The following CDH23 variants were observed in gnomAD, a reference collection of about 807,000 sequenced individuals.
The protein encoded by CDH23 is cadherin-23.
CDH23 carries 189 observed loss-of-function variants against 317.1 expected under a neutral mutation model. The ratio of observed to expected loss-of-function variants is 0.60; its 90% CI spans 0.53 to 0.67. The LOEUF (loss-of-function observed/expected upper bound fraction) is 0.67. CDH23 is among the 30% of genes least tolerant of loss of function. The pLI, the probability that CDH23 is intolerant of heterozygous loss-of-function variation, is 0.00. For missense variants in CDH23, 4,401 were observed against 4,592.4 expected (o/e 0.96, Z 1.20); for synonymous variants, 1,839 against 1,876.8 (o/e 0.98, Z 0.52).
Position 71,751,094 on chromosome 10 carries a change from G to T in CDH23, c.4845+9173G>T. ...AGCATCCCCATGTAGCATCCAGAGGGGTTGAGGGGCTGGGCTTCTGGGATG... is the reference window on the plus strand; with the variant it reads ...AGCATCCCCATGTAGCATCCAGAGGTGTTGAGGGGCTGGGCTTCTGGGATG... On this transcript the variant is annotated intron_variant, in intron 38 of 69. Coordinates refer to ENST00000224721, the MANE Select transcript of CDH23 (RefSeq NM_022124.6). The surrounding 1 kb of genome is among the most constrained non-coding windows in gnomAD (Gnocchi z 4.9). The T allele has an allele frequency of 1.2e-6, 1 of 843,514 alleles. No homozygotes were observed. Among genetic ancestry groups the T allele is most frequent in the Non-Finnish European group, 1.8e-6 (1 of 546,700 alleles). The allele number at this position is 843,514 out of a possible 1,614,324, so 52.3% of individuals were successfully genotyped here. A position where few individuals can be genotyped will look rare whatever the true frequency, so the allele number is the denominator to read the frequency against.
At chr10:71,796,570 C>G (rs1228255062) in intron 48 of CDH23, among the ~76,000 whole-genome samples, 4 of 152,188 alleles carry the variant, frequency 2.6e-5, no homozygotes, top group Non-Finnish European at 5.9e-5. Flanking sequence ...CTTGATCTCC[C>G]TAGAATCTAA....
At chr10:71,733,127 A>G (rs1204721211) in intron 32 of CDH23, among the ~76,000 whole-genome samples, 2 of 152,222 alleles carry the variant, frequency 1.3e-5, no homozygotes, top group Non-Finnish European at 2.9e-5. Context: ...AATTTGCTAG[A>G]GCAGCTTGCA....
chr10:71,765,815 C>T (rs1840526771), intron 38 of CDH23, among the ~76,000 whole-genome samples: 1 of 152,038 alleles, frequency 6.6e-6, no homozygotes, highest in East Asian at 1.9e-4. Context: ...GTTTGGGGAG[C>T]AGGGGAGGAT....
intron 44 of CDH23, among the ~76,000 whole-genome samples, chr10:71,787,529 C>T (rs1841138369): frequency 6.9e-6 from 1 of 145,870 alleles, no homozygotes; most frequent in African/African-American, 2.6e-5. Flanking sequence ...TTTCAACCCT[C>T]ACCCTCTTCC....
chr10:71,760,950 T>C, intron 38 of CDH23: 1 of 1,612,386 alleles, frequency 6.2e-7, no homozygotes, highest in Middle Eastern at 1.7e-4. Flanking sequence ...GAAGGGCCAT[T>C]AGGTGGGTGT....
intron 28 of CDH23, chr10:71,715,718 A>G (rs367543357): frequency 4.8e-4 from 204 of 424,262 alleles, no homozygotes; most frequent in Admixed American, 1.5e-3. Context: ...TCTTTCATCA[A>G]GCAGCAGCGA....
intron 18 of CDH23, among the ~76,000 whole-genome samples, chr10:71,683,722 G>A (rs2132685615): frequency 6.6e-6 from 1 of 152,256 alleles, no homozygotes; most frequent in East Asian, 1.9e-4. Context: ...CTGGCTTCTG[G>A]AGTCCTTGTG....
chr10:71,402,854 C>T (rs908350557), intron 1 of CDH23, among the ~76,000 whole-genome samples: 6 of 152,126 alleles, frequency 3.9e-5, no homozygotes, highest in East Asian at 3.9e-4. Flanking sequence ...TGGTGGCTCA[C>T]GCCTGTAATC....
At chr10:71,789,069 C>G (rs1589422053) in intron 45 of CDH23, 27 bp downstream of exon 45, 1 of 1,129,908 alleles carries the variant, frequency 8.9e-7, no homozygotes, top group African/African-American at 1.5e-5. Flanking sequence ...CCCGGGAGCT[C>G]CTGCTGTTGC....
intron 24 of CDH23, among the ~76,000 whole-genome samples, chr10:71,703,729 T>G (rs1244654676): frequency 6.6e-6 from 1 of 152,178 alleles, no homozygotes; most frequent in Non-Finnish European, 1.5e-5. Flanking sequence ...GTGAATGGTG[T>G]TCTTTGGCAG....
At chr10:71,798,234 C>T (rs1841456484) in intron 49 of CDH23, 120 bp from the exon 50 acceptor site, 1 of 714,158 alleles carries the variant, frequency 1.4e-6, no homozygotes, top group Non-Finnish European at 2.5e-6. Context: ...AATCCTCAGG[C>T]AGCCTCTGGG....
At chr10:71,718,441 G>A (rs963284721) in intron 28 of CDH23, among the ~76,000 whole-genome samples, 8 of 144,672 alleles carry the variant, frequency 5.5e-5, no homozygotes, top group Non-Finnish European at 9.1e-5. Flanking sequence ...TGTGATGCCC[G>A]TCTAGCTGCC....
Position 71,702,221 on chromosome 10 carries a change from C to T in CDH23, c.2587+10C>T. On this transcript the variant is annotated intron_variant, in intron 23 of 69. Transcript: ENST00000224721. ...GTCTCTGTTACTGACTGTATGGACC[C>T]CTCTCGCCCCTCACGGCCCCCACAC... 1.2e-6 allele frequency: 2 copies of T among 1,611,060 alleles called. No homozygotes were observed. Among genetic ancestry groups the T allele is most frequent in the Non-Finnish European group, 1.7e-6 (2 of 1,177,932 alleles).
At chr10:71,439,038 C>A (rs7921972) in intron 1 of CDH23, among the ~76,000 whole-genome samples, 106,376 of 151,916 alleles carry the variant, frequency 0.7, 38,133 homozygotes, top group Non-Finnish European at 0.78. Flanking sequence ...AGAGTGGGGA[C>A]TGTTGCCATA....
At chr10:71,790,527 C>G in intron 46 of CDH23, 114 bp downstream of exon 46, 1 of 1,378,668 alleles carries the variant, frequency 7.3e-7, no homozygotes. Context: ...CCGTGGAGAC[C>G]CCATTTTTCA....
intron 17 of CDH23, 104 bp from the exon 18 acceptor site, chr10:71,682,341 C>T (rs1589328218): frequency 6.9e-7 from 1 of 1,456,686 alleles, no homozygotes. Flanking sequence ...CAGAGCTGGC[C>T]CGGGCCATGC....
chr10:71,777,985 G>A, intron 39 of CDH23, 84 bp downstream of exon 39: 2 of 1,511,264 alleles, frequency 1.3e-6, no homozygotes, highest in Non-Finnish European at 1.8e-6. Context: ...GGAGGGGGAT[G>A]GAGCAAAGAT....
At chr10:71,571,657 T>G (rs1857817798) in intron 8 of CDH23, among the ~76,000 whole-genome samples, 1 of 152,202 alleles carries the variant, frequency 6.6e-6, no homozygotes. Context: ...TGTGCAAACT[T>G]GAATGCAACA....
intron 9 of CDH23, among the ~76,000 whole-genome samples, chr10:71,609,440 A>G (rs1008233701): frequency 6.6e-6 from 1 of 152,048 alleles, no homozygotes; most frequent in Non-Finnish European, 1.5e-5. Context: ...ACCTGTGCTC[A>G]CTGTCCCCAC....
Sources: gnomAD v4.1 joint callset for allele counts (sites outside exome capture counted in the v4.1 genomes callset) on GRCh38, gnomAD v4.1.1 for gene constraint, Gnocchi (gnomAD v3.1) non-coding constraint, MANE v1.5 for transcripts, NCBI Gene and HGNC (gene_info 2026-07-23, HGNC 2026-07-21) for gene names.